ITPR2: variants seen among roughly 807,000 people sequenced by gnomAD.
The protein encoded by ITPR2 is inositol 1,4,5-trisphosphate receptor type 2.
ITPR2 carries 207 observed loss-of-function variants against 317.1 expected under a neutral mutation model. The observed-to-expected ratio is 0.65, with a 90% CI of 0.58 to 0.73. The LOEUF is 0.73. Ranked by LOEUF, ITPR2 falls within the 30% of genes least tolerant of loss-of-function variation. The pLI, the probability that ITPR2 is intolerant of heterozygous loss-of-function variation, is 0.00. For missense variants in ITPR2, 2,613 were observed against 3,284.0 expected, an observed-to-expected ratio of 0.80 and a Z score of 4.99; for synonymous variants, 1,156 against 1,149.1, an observed-to-expected ratio of 1.01 and a Z score of -0.12.
At chr12:26,802,552 T>TATATATCTATATATAGATATAG (rs1950573177) in intron 1 of ITPR2, among the ~76,000 whole-genome samples, 1 of 146,076 alleles carries the variant, frequency 6.8e-6, no homozygotes, top group East Asian at 2.1e-4. Context: ...AGGAGATATA[T>TATATATCTATATATAGATATAG]ATATATCTAT....
At chr12:26,615,360 TA>T (rs202184015) in intron 26 of ITPR2, among the ~76,000 whole-genome samples, 2,255 of 152,020 alleles carry the variant, frequency 0.015, 43 homozygotes, top group African/African-American at 0.051. Context: ...ATTTCAGGTA[TA>T]AAAAAATATA....
chr12:26,638,162 G>A (rs1185852869), intron 21 of ITPR2, among the ~76,000 whole-genome samples: 1 of 152,134 alleles, frequency 6.6e-6, no homozygotes, highest in Non-Finnish European at 1.5e-5. Context: ...GCTGTGTTCT[G>A]CATCTTATTT....
rs1945640583 is a variant in ITPR2, at chr12:26,589,806, TAAAAA to T, written c.4380+5654_4380+5658del. Among the ~76,000 whole-genome samples, 56 of 23,226 alleles carry T rather than the reference TAAAAA, an allele frequency of 2.4e-3. 3 individuals carry two copies. Among genetic ancestry groups the T allele is most frequent in the African/African-American group, 6.4e-3 (52 of 8,186 alleles). The allele number at this position is 23,226 out of a possible 152,430, so 15.2% of individuals were successfully genotyped here. On this transcript the variant is annotated intron_variant, in intron 32 of 56. Coordinates refer to ENST00000381340, the MANE Select transcript of ITPR2 (RefSeq NM_002223.4). ...TGTTTCAAAAAAAAAAATAAATAAA[TAAAAA>T]ATAAATAAATAAATAAATAAACATA...
chr12:26,683,268 T>G (rs1007683191), intron 11 of ITPR2, among the ~76,000 whole-genome samples: 2 of 152,144 alleles, frequency 1.3e-5, no homozygotes, highest in Non-Finnish European at 2.9e-5. Context: ...TGGCAAAAAT[T>G]TAAGTGGCCC....
intron 32 of ITPR2, among the ~76,000 whole-genome samples, chr12:26,584,732 T>A (rs1031183428): frequency 1.3e-5 from 2 of 152,216 alleles, no homozygotes; most frequent in African/African-American, 4.8e-5. Context: ...TTTTAACTTA[T>A]CTGAATTAAA....
intron 34 of ITPR2, among the ~76,000 whole-genome samples, chr12:26,566,471 GGAGGAGGGAGAGGAGGGA>G (rs527282032): frequency 2.2e-5 from 3 of 136,502 alleles, no homozygotes; most frequent in Non-Finnish European, 3.2e-5. Context: ...GAGGAGAGGA[GGAGGAGGGAGAGGAGGGA>G]GAGGAGGGAG....
At chr12:26,829,494 C>A (rs1328719422) in intron 1 of ITPR2, among the ~76,000 whole-genome samples, 8 of 152,144 alleles carry the variant, frequency 5.3e-5, no homozygotes, top group Admixed American at 5.2e-4. Context: ...GCGTGCACCA[C>A]CACACCTGGC....
At chr12:26,509,183 G>A (rs1393626834) in intron 37 of ITPR2, among the ~76,000 whole-genome samples, 1 of 152,208 alleles carries the variant, frequency 6.6e-6, no homozygotes, top group African/African-American at 2.4e-5. Flanking sequence ...ATGTCCAGAA[G>A]AGGCAAATTC....
intron 55 of ITPR2, 69 bp from the exon 56 acceptor site, chr12:26,340,397 T>C (rs1373910201): frequency 7.1e-7 from 1 of 1,418,154 alleles, no homozygotes. Context: ...TAGCTGTTTA[T>C]TATTACTAAC....
chr12:26,636,846 A>G (rs540639100), intron 21 of ITPR2, among the ~76,000 whole-genome samples: 2 of 152,154 alleles, frequency 1.3e-5, no homozygotes, highest in African/African-American at 2.4e-5. Context: ...CAGTTTACAT[A>G]GCTAGGAAGT....
At chr12:26,560,477 A>G (rs893364036) in intron 35 of ITPR2, among the ~76,000 whole-genome samples, 12 of 152,160 alleles carry the variant, frequency 7.9e-5, no homozygotes, top group Admixed American at 5.9e-4. Flanking sequence ...TAAAATAAAC[A>G]GTCTTAATGA....
At chr12:26,491,028 A>T (rs1265716798) in intron 39 of ITPR2, among the ~76,000 whole-genome samples, 1 of 152,208 alleles carries the variant, frequency 6.6e-6, no homozygotes, top group Admixed American at 6.5e-5. Flanking sequence ...AGCTAAGTGT[A>T]GCTGATGCAT....
intron 46 of ITPR2, among the ~76,000 whole-genome samples, chr12:26,443,235 T>C (rs973366290): frequency 1.3e-5 from 2 of 152,192 alleles, no homozygotes; most frequent in African/African-American, 4.8e-5. Flanking sequence ...TGATGGCTTC[T>C]ATTATAATAA....
chr12:26,678,566 T>C (rs535465422), intron 13 of ITPR2, among the ~76,000 whole-genome samples: 2 of 152,226 alleles, frequency 1.3e-5, no homozygotes, highest in African/African-American at 4.8e-5. Flanking sequence ...GAAAATAATA[T>C]AAATGCATTC....
At chr12:26,731,479 G>C (rs1050685840) in intron 2 of ITPR2, among the ~76,000 whole-genome samples, 2 of 152,184 alleles carry the variant, frequency 1.3e-5, no homozygotes, top group African/African-American at 4.8e-5. Flanking sequence ...GGGGCAGGCA[G>C]ACAAGGGGCC....
At chr12:26,638,381 A>G (rs1343976070) in intron 21 of ITPR2, among the ~76,000 whole-genome samples, 1 of 152,226 alleles carries the variant, frequency 6.6e-6, no homozygotes, top group Non-Finnish European at 1.5e-5. Flanking sequence ...TCATAAAGGC[A>G]TATACCATAC....
At chr12:26,781,396 A>G (rs1015366117) in intron 2 of ITPR2, among the ~76,000 whole-genome samples, 1 of 152,096 alleles carries the variant, frequency 6.6e-6, no homozygotes, top group South Asian at 2.1e-4. Flanking sequence ...AAATATTTTC[A>G]TTTTATTCTC....
chr12:26,424,976 G>A (rs550894818), intron 49 of ITPR2, among the ~76,000 whole-genome samples: 4 of 151,760 alleles, frequency 2.6e-5, no homozygotes, highest in African/African-American at 9.7e-5. Flanking sequence ...GACCAGGCTG[G>A]TCACAAACTC....
At chr12:26,737,507 C>T (rs1949147179) in intron 2 of ITPR2, among the ~76,000 whole-genome samples, 1 of 152,148 alleles carries the variant, frequency 6.6e-6, no homozygotes, top group Non-Finnish European at 1.5e-5. Flanking sequence ...CCCACCTCGG[C>T]CTCCTAAAGT....
Sources: gnomAD v4.1 joint callset for allele counts (sites outside exome capture counted in the v4.1 genomes callset) on GRCh38, gnomAD v4.1.1 for gene constraint, MANE v1.5 for transcripts, NCBI Gene and HGNC (gene_info 2026-07-23, HGNC 2026-07-21) for gene names.